Variants in CA1 observed in about 807,000 individuals in gnomAD.
The protein encoded by CA1 is carbonate dehydratase I.
A neutral mutation model predicts 28.8 loss-of-function variants in CA1; 27 were observed. The observed-to-expected ratio is 0.94, with a 90% CI of 0.69 to 1.29. The LOEUF is 1.29. Ranked by LOEUF, CA1 falls within the 50% of genes most tolerant of loss-of-function variation. CA1 has a pLI of 0.00. For missense variants in CA1, 335 were observed against 310.5 expected (o/e 1.08, Z -0.59); for synonymous variants, 121 against 108.8 (o/e 1.11, Z -0.70).
rs925548992 is a variant in CA1, at chr8:85,332,542, G to C, written c.461C>G (p.Ala154Gly). Residue 154 changes from alanine (A) to glycine (G), a missense_variant, in exon 6 of 8, where the codon GCC becomes GGC. Coordinates refer to ENST00000523022, the MANE Select transcript of CA1 (RefSeq NM_001128831.4). The part of the protein sequence containing the change: ...VIGVLMKVGE[A>G]NPKLQKVLDA... ...AAGTACTTTCTGCAGCTTTGGGTTGGCCTCACCAACCTGGAGATTTAAGAA... is the reference window on the plus strand; with the variant it reads ...AAGTACTTTCTGCAGCTTTGGGTTGCCCTCACCAACCTGGAGATTTAAGAA... 1.9e-6 allele frequency: 3 copies of C among 1,612,124 alleles called. No homozygotes were observed. In the African/African-American group the frequency reaches 4.0e-5, roughly 22 times the overall value.
At chr8:85,329,999 G>A (rs1021442857) in intron 6 of CA1, among the ~76,000 whole-genome samples, 155 bp from the exon 7 acceptor site, 9 of 152,058 alleles carry the variant, frequency 5.9e-5, no homozygotes, top group African/African-American at 2.4e-5. Context: ...TGACTGGCGT[G>A]TTTGTGGATA....
intron 1 of CA1, among the ~76,000 whole-genome samples, chr8:85,344,143 TTATATATTATATACTG>T (rs1809037306): frequency 7.3e-6 from 1 of 136,234 alleles, no homozygotes; most frequent in East Asian, 2.1e-4. Flanking sequence ...ATATATATAA[TTATATATTATATACTG>T]TATATTATAT....
At chr8:85,374,408 A>G (rs947633374) in intron 1 of CA1, among the ~76,000 whole-genome samples, 1 of 152,148 alleles carries the variant, frequency 6.6e-6, no homozygotes, top group Non-Finnish European at 1.5e-5. Context: ...GTTTGTTCTT[A>G]TTAATACTGG....
intron 1 of CA1, among the ~76,000 whole-genome samples, chr8:85,377,809 A>C (rs148896425): frequency 0.016 from 2,370 of 152,328 alleles, 29 homozygotes; most frequent in South Asian, 0.049. Flanking sequence ...TCTCAAAAAA[A>C]AAAAAGGTAA....
intron 1 of CA1, among the ~76,000 whole-genome samples, chr8:85,373,661 G>A (rs1483395803): frequency 6.6e-6 from 1 of 151,974 alleles, no homozygotes; most frequent in Non-Finnish European, 1.5e-5. Context: ...GTGTTTATAG[G>A]GTTCGGTACT....
At chr8:85,344,081 G>GTA (rs56308220) in intron 1 of CA1, among the ~76,000 whole-genome samples, 3,785 of 128,436 alleles carry the variant, frequency 0.029, 164 homozygotes, top group African/African-American at 0.095. Flanking sequence ...TAAACTAAAA[G>GTA]TATATATATA....
At chr8:85,345,128 C>T (rs1809126739) in intron 1 of CA1, among the ~76,000 whole-genome samples, 1 of 152,178 alleles carries the variant, frequency 6.6e-6, no homozygotes, top group African/African-American at 2.4e-5. Flanking sequence ...TCACAGCTAT[C>T]ATTTTCTCTC....
intron 1 of CA1, among the ~76,000 whole-genome samples, chr8:85,377,811 A>AG (rs1318664321): frequency 9.8e-5 from 15 of 152,288 alleles, no homozygotes; most frequent in African/African-American, 2.9e-4. Flanking sequence ...TCAAAAAAAA[A>AG]AAAGGTAATT....
At chr8:85,355,216 C>T (rs907527051) in intron 1 of CA1, among the ~76,000 whole-genome samples, 2 of 152,168 alleles carry the variant, frequency 1.3e-5, no homozygotes, top group African/African-American at 4.8e-5. Context: ...AGATCACTGA[C>T]TGCTGTGCGA....
chr8:85,354,981 C>G (rs1809550651), intron 1 of CA1, among the ~76,000 whole-genome samples: 1 of 152,178 alleles, frequency 6.6e-6, no homozygotes, highest in Non-Finnish European at 1.5e-5. Context: ...GTGACGTTGC[C>G]TTTGACCTGT....
chr8:85,331,859 C>T (rs1808420276), intron 6 of CA1, among the ~76,000 whole-genome samples: 1 of 151,802 alleles, frequency 6.6e-6, no homozygotes, highest in African/African-American at 2.4e-5. Flanking sequence ...GAGTTGAGGG[C>T]TTATTTTTTA....
chr8:85,331,605 C>T lies in CA1; in HGVS notation c.513+885G>A, dbSNP rs559270076. ...CTGATTAGCTAGGACTACATGTGTG[C>T]GCCACCACGCCCAGCTAATTTTTTG... On this transcript the variant is annotated intron_variant, in intron 6 of 7. Coordinates refer to ENST00000523022, the MANE Select transcript of CA1 (RefSeq NM_001128831.4). Among the ~76,000 whole-genome samples the T allele has an allele frequency of 7.2e-5, 11 of 152,048 alleles. No individual in the cohort carries two copies. In the East Asian group the frequency reaches 1.2e-3, roughly 16 times the overall value.
At position 85,328,647 on chromosome 8, in the gene CA1, A is replaced by G. The variant is rs1437440370; in HGVS notation, c.699T>C (p.Asn233=). The G allele has an allele frequency of 1.2e-6, 2 of 1,609,748 alleles. No homozygotes were observed. The highest frequency in any genetic ancestry group is 1.7e-6 in the Non-Finnish European group (2 of 1,177,076). The change falls in exon 8 of 8, where the codon AAT becomes AAC. Residue 233 remains asparagine (N), a synonymous_variant. Transcript: ENST00000523022. ...TGGGGACAGCGTTATCACCTTCAAC[A>G]TTTGATAGAAGGCTGCGGAATTGTG... ...QLAQFRSLLS[N]VEGDNAVPMQ...
intron 1 of CA1, among the ~76,000 whole-genome samples, chr8:85,376,268 T>G: frequency 6.6e-6 from 1 of 152,082 alleles, no homozygotes; most frequent in East Asian, 1.9e-4. Context: ...AGGCAGAGGT[T>G]GCAGTGAGCA....
At chr8:85,335,906 G>T (rs1424702655) in intron 4 of CA1, among the ~76,000 whole-genome samples, 4 of 152,122 alleles carry the variant, frequency 2.6e-5, no homozygotes, top group Non-Finnish European at 1.5e-5. Flanking sequence ...TGTTCTATCA[G>T]AATAGAAGAT....
intron 6 of CA1, among the ~76,000 whole-genome samples, chr8:85,331,381 C>T (rs958628129): frequency 6.6e-6 from 1 of 151,790 alleles, no homozygotes; most frequent in African/African-American, 2.4e-5. Context: ...TGTTGTTCTT[C>T]CAAAGAATCA....
intron 1 of CA1, among the ~76,000 whole-genome samples, chr8:85,359,001 T>C (rs1054627250): frequency 6.6e-6 from 1 of 152,214 alleles, no homozygotes; most frequent in African/African-American, 2.4e-5. Context: ...TGGTCTTCTA[T>C]GTGCAAAAAA....
At chr8:85,373,649 T>C (rs1314437519) in intron 1 of CA1, among the ~76,000 whole-genome samples, 3 of 152,200 alleles carry the variant, frequency 2.0e-5, no homozygotes, top group East Asian at 3.8e-4. Context: ...GAAAAAAACA[T>C]AGTGTTTATA....
intron 5 of CA1, 106 bp from the exon 6 acceptor site, chr8:85,332,658 G>T: frequency 1.3e-6 from 1 of 798,966 alleles, no homozygotes; most frequent in Non-Finnish European, 2.2e-6. Context: ...AAGAGGTAAG[G>T]TATTTTCTCT....
Sources: gnomAD v4.1 joint callset for allele counts (sites outside exome capture counted in the v4.1 genomes callset) on GRCh38, gnomAD v4.1.1 for gene constraint, MANE v1.5 for transcripts, NCBI Gene and HGNC (gene_info 2026-07-23, HGNC 2026-07-21) for gene names.